The following SLC35F4 variants were observed in gnomAD, a reference collection of about 807,000 sequenced individuals.
SLC35F4 encodes chromosome 14 open reading frame 36.
A neutral mutation model predicts 44.2 loss-of-function variants in SLC35F4; 24 were observed. That is an observed-to-expected ratio of 0.54 (90% CI 0.39 to 0.76). The LOEUF (loss-of-function observed/expected upper bound fraction) is 0.76. Among genes scored for constraint, SLC35F4 ranks in the 30% least tolerant of loss-of-function variants. The pLI is 0.00. For missense variants in SLC35F4, 562 were observed against 586.1 expected, an observed-to-expected ratio of 0.96 and a Z score of 0.42; for synonymous variants, 238 against 223.6, an observed-to-expected ratio of 1.06 and a Z score of -0.57.
At chr14:57,908,288 A>C (rs771285193) in intron 1 of SLC35F4, among the ~76,000 whole-genome samples, 1 of 152,192 alleles carries the variant, frequency 6.6e-6, no homozygotes. Context: ...AATGATCTAT[A>C]TTCCTTTGGG....
intron 1 of SLC35F4, among the ~76,000 whole-genome samples, chr14:57,700,734 T>A (rs1374157369): frequency 6.6e-6 from 1 of 151,844 alleles, no homozygotes; most frequent in Non-Finnish European, 1.5e-5. Context: ...CAAAACTCCA[T>A]CTCTACAAGA....
intron 1 of SLC35F4, among the ~76,000 whole-genome samples, chr14:57,778,455 A>G (rs2077543388): frequency 6.6e-6 from 1 of 152,132 alleles, no homozygotes; most frequent in Non-Finnish European, 1.5e-5. Context: ...TATGCGCCCA[A>G]CACAGGAGCA....
At chr14:57,911,864 T>A (rs975918182) in intron 1 of SLC35F4, among the ~76,000 whole-genome samples, 1 of 152,168 alleles carries the variant, frequency 6.6e-6, no homozygotes, top group African/African-American at 2.4e-5. Flanking sequence ...CTTAATTTCT[T>A]TCTTAACTGT....
At chr14:57,644,079 C>T (rs1443530882) in intron 1 of SLC35F4, among the ~76,000 whole-genome samples, 4 of 152,148 alleles carry the variant, frequency 2.6e-5, no homozygotes, top group Admixed American at 6.6e-5. Context: ...AATAAACATA[C>T]GTGTGCATGT....
chr14:57,772,471 C>T (rs755152226), intron 1 of SLC35F4, among the ~76,000 whole-genome samples: 1 of 152,008 alleles, frequency 6.6e-6, no homozygotes, highest in South Asian at 2.1e-4. Flanking sequence ...GTATTTACTA[C>T]CCAAATAGTG....
At chr14:57,778,607 C>T (rs1357149369) in intron 1 of SLC35F4, among the ~76,000 whole-genome samples, 1 of 152,080 alleles carries the variant, frequency 6.6e-6, no homozygotes. Flanking sequence ...CTGAACTCGA[C>T]ACTGGACCAA....
At chr14:57,889,106 C>A (rs898734070) in intron 1 of SLC35F4, among the ~76,000 whole-genome samples, 3 of 152,126 alleles carry the variant, frequency 2.0e-5, no homozygotes, top group Non-Finnish European at 4.4e-5. Flanking sequence ...CTAGACCAAA[C>A]TGAAGATAGT....
intron 1 of SLC35F4, among the ~76,000 whole-genome samples, chr14:57,739,259 A>C (rs1037998775): frequency 1.3e-5 from 2 of 152,262 alleles, no homozygotes; most frequent in Non-Finnish European, 2.9e-5. Flanking sequence ...ACCACCATCC[A>C]CCAGAAGGTC....
At chr14:57,575,563 C>T (rs925963424) in intron 4 of SLC35F4, among the ~76,000 whole-genome samples, 1 of 152,180 alleles carries the variant, frequency 6.6e-6, no homozygotes, top group Non-Finnish European at 1.5e-5. Context: ...TGTTAGTAAC[C>T]ATAGTGACCA....
At chr14:57,818,393 C>T (rs1396878828) in intron 1 of SLC35F4, among the ~76,000 whole-genome samples, 1 of 152,114 alleles carries the variant, frequency 6.6e-6, no homozygotes, top group South Asian at 2.1e-4. Context: ...GGCTTGACCA[C>T]GAAGCTATAA....
At chr14:57,637,252 C>G (rs926571880) in intron 1 of SLC35F4, among the ~76,000 whole-genome samples, 2 of 152,056 alleles carry the variant, frequency 1.3e-5, no homozygotes, top group Non-Finnish European at 2.9e-5. Flanking sequence ...GTCTCTTTTT[C>G]TATAGGATGC....
chr14:57,899,529 A>C (rs1412849187), intron 1 of SLC35F4, among the ~76,000 whole-genome samples: 1 of 152,244 alleles, frequency 6.6e-6, no homozygotes, highest in Non-Finnish European at 1.5e-5. Flanking sequence ...AGTGTACAAG[A>C]TATGTACAAT....
chr14:57,573,175 C>T (rs1037894914), intron 4 of SLC35F4, among the ~76,000 whole-genome samples: 6 of 152,140 alleles, frequency 3.9e-5, no homozygotes, highest in African/African-American at 1.4e-4. Context: ...TAATTACTGA[C>T]TCGCTTGAGG....
chr14:57,737,193 T>TA lies in SLC35F4; in HGVS notation c.103+128529dup, dbSNP rs750044115. Among the ~76,000 whole-genome samples the TA allele has an allele frequency of 2.6e-4, 39 of 151,974 alleles. No individual in the cohort carries two copies. The East Asian group carries it at 7.6e-3, about 29-fold the overall frequency. On this transcript the variant is annotated intron_variant, in intron 1 of 7. Transcript: ENST00000556826. ...TCTTATAGGCAAGGTACGCCTAAAGTAGTAATTCCACTTACTATCCAAAGC... is the reference window on the plus strand; with the variant it reads ...TCTTATAGGCAAGGTACGCCTAAAGTAAGTAATTCCACTTACTATCCAAAGC...
chr14:57,970,333 T>G (rs138029798), intron 1 of SLC35F4, among the ~76,000 whole-genome samples: 3 of 152,178 alleles, frequency 2.0e-5, no homozygotes, highest in Non-Finnish European at 4.4e-5. Flanking sequence ...AAATTCAGCT[T>G]GATCATCACT....
chr14:57,812,046 A>AT (rs998677065), intron 1 of SLC35F4, among the ~76,000 whole-genome samples: 17 of 152,310 alleles, frequency 1.1e-4, no homozygotes, highest in African/African-American at 4.1e-4. Flanking sequence ...TTAGAAATTC[A>AT]TTTTTTAGAA....
At chr14:57,765,110 G>A (rs1235116896) in intron 1 of SLC35F4, among the ~76,000 whole-genome samples, 2 of 137,210 alleles carry the variant, frequency 1.5e-5, no homozygotes, top group Non-Finnish European at 3.0e-5. Flanking sequence ...GTGGAACTAT[G>A]ATTATAAATG....
intron 1 of SLC35F4, among the ~76,000 whole-genome samples, chr14:57,929,554 T>C (rs757225455): frequency 2.0e-5 from 3 of 152,102 alleles, no homozygotes; most frequent in Non-Finnish European, 4.4e-5. Context: ...CTTTTGTATC[T>C]AACCTTTACA....
chr14:57,941,582 G>C (rs11846709), intron 1 of SLC35F4, among the ~76,000 whole-genome samples: 14,691 of 152,032 alleles, frequency 0.097, 1,217 homozygotes, highest in African/African-American at 0.22. Flanking sequence ...GTTTTATTTT[G>C]GGATAATAAA....
Sources: gnomAD v4.1 joint callset for allele counts (sites outside exome capture counted in the v4.1 genomes callset) on GRCh38, gnomAD v4.1.1 for gene constraint, MANE v1.5 for transcripts, NCBI Gene and HGNC (gene_info 2026-07-23, HGNC 2026-07-21) for gene names.